The following ALG12 variants were observed in gnomAD, a reference collection of about 807,000 sequenced individuals.
ALG12 encodes the protein ALG12 alpha-1,6-mannosyltransferase.
In ALG12, 36 loss-of-function variants were observed where a neutral mutation model predicts 46.0. The ratio of observed to expected loss-of-function variants is 0.78; its 90% CI spans 0.60 to 1.03. The LOEUF (loss-of-function observed/expected upper bound fraction) is 1.03, where lower values mean the gene tolerates loss of function less well. Ranked by LOEUF, ALG12 falls within the 50% of genes least tolerant of loss-of-function variation. The pLI, the probability that ALG12 is intolerant of heterozygous loss-of-function variation, is 0.00. For missense variants in ALG12, 599 were observed against 633.5 expected (o/e 0.95, Z 0.58); for synonymous variants, 326 against 291.6 (o/e 1.12, Z -1.20).
rs1160800599 is a variant in ALG12 at position 49,909,362 on chromosome 22, T to TA, written c.665-16dup. 8.1e-6 allele frequency: 13 copies of TA among 1,613,298 alleles called. No individual in the cohort carries two copies. The highest frequency in any genetic ancestry group is 1.3e-5 in the African/African-American group (1 of 75,018). On this transcript the variant is annotated splice_polypyrimidine_tract_variant and intron_variant, in intron 5 of 9. Coordinates refer to ENST00000330817, the MANE Select transcript of ALG12 (RefSeq NM_024105.4). ...AACCGTCAGTCCTGACAAAATAAAA[T>TA]AGAGTTTCTTAGTCGCAAACACAGC...
rs1336412644 is a variant in ALG12 at position 49,900,964 on chromosome 22, G to T, written c.*2874C>A. 1 of 152,276 alleles carries T rather than the reference G, an allele frequency of 6.6e-6. No homozygotes were observed. The allele number at this position is 152,276 out of a possible 1,614,324, so 9.4% of individuals were successfully genotyped here. Reference sequence around the variant, plus strand: ...ACCAAAGGGAGCCAAGACCCACAGAGCAATGGCCGAGGCCAGAGGCCCAAG... The same window carrying T: ...ACCAAAGGGAGCCAAGACCCACAGATCAATGGCCGAGGCCAGAGGCCCAAG... On this transcript the variant is annotated 3_prime_UTR_variant, in exon 10 of 10. Transcript: ENST00000330817.
chr22:49,889,081 T>A, the ALG12 span: 10 of 167,258 alleles, frequency 6.0e-5, no homozygotes, highest in Non-Finnish European at 1.5e-5. Context: ...CAGAATTGTA[T>A]CCACTCATTC....
the ALG12 span, chr22:49,884,979 A>G: frequency 1.9e-6 from 3 of 1,613,496 alleles, no homozygotes; most frequent in Non-Finnish European, 2.5e-6. Context: ...TGAGTCCTAG[A>G]TTGTTTGAAT....
Position 49,903,291 on chromosome 22 carries a change from A to AT in ALG12, c.*546dup. The AT allele has an allele frequency of 2.2e-6, 1 of 455,526 alleles. No individual in the cohort carries two copies. The allele number at this position is 455,526 out of a possible 1,614,324, so 28.2% of individuals were successfully genotyped here. On this transcript the variant is annotated 3_prime_UTR_variant, in exon 10 of 10. Transcript: ENST00000330817. ...TTTTTGAATGTGTTTATCTCCTAAG[A>AT]TTTTATCTGTGATGGAGATGGGATG...
At chr22:49,869,236 G>A in the ALG12 span, among the ~76,000 whole-genome samples, 5 of 152,094 alleles carry the variant, frequency 3.3e-5, no homozygotes, top group Non-Finnish European at 5.9e-5. Context: ...TTTGATTCAC[G>A]TACACACATG....
chr22:49,887,884 T>A, the ALG12 span: 1 of 167,280 alleles, frequency 6.0e-6, no homozygotes, highest in Non-Finnish European at 1.5e-5. Flanking sequence ...TCCTCTGAAA[T>A]GTGATCCCTT....
chr22:49,877,810 C>T, the ALG12 span, among the ~76,000 whole-genome samples: 2,262 of 152,212 alleles, frequency 0.015, 57 homozygotes, highest in African/African-American at 0.052. Flanking sequence ...TTCTGCCCCT[C>T]GTGGCCCCTC....
At position 49,903,893 on chromosome 22, in the gene ALG12, T is replaced by G; in HGVS notation, c.1412A>C (p.Asn471Thr). 6.2e-7 allele frequency: 1 copy of G among 1,614,108 alleles called. No individual in the cohort carries two copies. Among genetic ancestry groups the G allele is most frequent in the Non-Finnish European group, 8.5e-7 (1 of 1,179,984 alleles). Reference protein sequence around the residue: ...SLNLTQLPPFNVHLQTKLVLL... With the variant: ...SLNLTQLPPFTVHLQTKLVLL... ...CACCAGCTTTGTCTGCAGGTGGACG[T>G]TGAAGGGGGGCAGTTGGGTCAGGTT... is the stretch of plus-strand genomic sequence containing the variant. The change falls in exon 10 of 10, where the codon AAC (asparagine) becomes ACC (threonine). Residue 471 changes from asparagine to threonine, a missense_variant. By Grantham distance (65) the Asn-to-Thr change is moderately conservative. Transcript: ENST00000330817.
chr22:49,894,940 A>G, the ALG12 span, among the ~76,000 whole-genome samples: 1 of 152,180 alleles, frequency 6.6e-6, no homozygotes, highest in Admixed American at 6.5e-5. Flanking sequence ...AGAGAGGGAG[A>G]CACCCTTGAA....
chr22:49,864,306 C>A, the ALG12 span, among the ~76,000 whole-genome samples: 2 of 152,214 alleles, frequency 1.3e-5, no homozygotes, highest in Non-Finnish European at 2.9e-5. Flanking sequence ...TTATCTCTTG[C>A]TACAAACATC....
chr22:49,900,461 C>A lies in ALG12; in HGVS notation c.*3377G>T, dbSNP rs2060499299. On this transcript the variant is annotated 3_prime_UTR_variant, in exon 10 of 10. Transcript: ENST00000330817. ...ACTGAAAGCAAACGGGAAGGATGAA[C>A]CCAGCTGTATTTCCAACGAAGGCAC... The A allele has an allele frequency of 6.6e-6, 1 of 152,184 alleles. No homozygotes were observed. Among genetic ancestry groups the A allele is most frequent in the Non-Finnish European group, 1.5e-5 (1 of 68,118 alleles). The allele number at this position is 152,184 out of a possible 1,614,324, so 9.4% of individuals were successfully genotyped here. A position where few individuals can be genotyped will look rare whatever the true frequency, so the allele number is the denominator to read the frequency against.
intron 5 of ALG12, 103 bp downstream of exon 5, chr22:49,909,791 C>T: frequency 1.4e-6 from 2 of 1,470,004 alleles, no homozygotes; most frequent in Non-Finnish European, 1.9e-6. Context: ...AATTTAGGGT[C>T]ATTTTATTTC....
chr22:49,861,813 G>C, the ALG12 span, among the ~76,000 whole-genome samples: 1 of 152,190 alleles, frequency 6.6e-6, no homozygotes, highest in African/African-American at 2.4e-5. Flanking sequence ...CCTTTGCCGT[G>C]GGATGCCGCT....
At chr22:49,865,388 G>A in the ALG12 span, among the ~76,000 whole-genome samples, 133 of 152,124 alleles carry the variant, frequency 8.7e-4, 1 homozygote, top group Non-Finnish European at 1.7e-3. Context: ...AGTGGCTCAC[G>A]CCTCTAATCC....
chr22:49,890,730 A>G, the ALG12 span, among the ~76,000 whole-genome samples: 1 of 152,244 alleles, frequency 6.6e-6, no homozygotes, highest in East Asian at 1.9e-4. Flanking sequence ...ATAAGATGTT[A>G]TTGTGGCCAG....
chr22:49,892,831 T>C, the ALG12 span, among the ~76,000 whole-genome samples: 2 of 152,106 alleles, frequency 1.3e-5, no homozygotes, highest in Non-Finnish European at 2.9e-5. Context: ...ACAGTTTGAC[T>C]CTCATAAAAA....
chr22:49,878,461 G>A, the ALG12 span, among the ~76,000 whole-genome samples: 7 of 152,136 alleles, frequency 4.6e-5, no homozygotes, highest in East Asian at 1.9e-4. Context: ...ACACATATGC[G>A]AGCAACCAAT....
intron 6 of ALG12, 128 bp downstream of exon 6, chr22:49,909,116 G>T: frequency 1.0e-6 from 1 of 983,700 alleles, no homozygotes; most frequent in Non-Finnish European, 1.6e-6. Flanking sequence ...GGAGGGAGGG[G>T]CTCCATCCTG....
rs144170927 is a variant in ALG12 at position 49,911,584 on chromosome 22, G to A, written c.296-977C>T. Among the ~76,000 whole-genome samples the A allele has an allele frequency of 4.6e-3, 707 of 152,254 alleles. 5 individuals are homozygous for A. Among genetic ancestry groups the A allele is most frequent in the African/African-American group, 0.016 (652 of 41,540 alleles). ...GGAGTAGCTGGGATTATAGGCGCAT[G>A]CCAACACGCCCGGCTAATTTTTGTA... On this transcript the variant is annotated intron_variant, in intron 3 of 9. Transcript: ENST00000330817.
Sources: allele counts gnomAD v4.1 joint callset (sites outside exome capture counted in the v4.1 genomes callset), GRCh38; gene constraint gnomAD v4.1.1; transcripts MANE v1.5; gene names NCBI Gene and HGNC (gene_info 2026-07-23, HGNC 2026-07-21).